DYNC2I1: variants seen among roughly 807,000 people sequenced by gnomAD.
DYNC2I1 encodes the protein cytoplasmic dynein 2 intermediate chain 1.
DYNC2I1 carries 89 observed loss-of-function variants against 133.4 expected under a neutral mutation model. The observed-to-expected ratio is 0.67, with a 90% confidence interval of 0.56 to 0.80. The LOEUF (loss-of-function observed/expected upper bound fraction) is 0.80. Ranked by LOEUF, DYNC2I1 falls within the 30% of genes least tolerant of loss-of-function variation. The probability of loss-of-function intolerance (pLI) is 0.00; values close to 1 mark genes in which losing one functional copy is unlikely to be tolerated. For missense variants in DYNC2I1, 1,291 were observed against 1,314.5 expected (o/e 0.98, Z 0.28); for synonymous variants, 504 against 484.3 (o/e 1.04, Z -0.54).
At chr7:158,918,418 C>A (rs1409963974) in intron 14 of DYNC2I1, among the ~76,000 whole-genome samples, 1 of 152,110 alleles carries the variant, frequency 6.6e-6, no homozygotes, top group African/African-American at 2.4e-5. Flanking sequence ...GGGTTCATGA[C>A]TGCTCTTTAC....
chr7:158,926,163 A>T, intron 17 of DYNC2I1, 24 bp from the exon 18 acceptor site: 5 of 1,572,248 alleles, frequency 3.2e-6, no homozygotes, highest in African/African-American at 1.3e-5. Context: ...TTACACGTGG[A>T]TGCTGTGGGC....
intron 13 of DYNC2I1, among the ~76,000 whole-genome samples, chr7:158,913,861 A>G (rs182085608): frequency 6.6e-6 from 1 of 152,236 alleles, no homozygotes; most frequent in African/African-American, 2.4e-5. Context: ...AGCGCCTGCT[A>G]TCATGCCTGG....
chr7:158,841,785 T>C, the DYNC2I1 span, among the ~76,000 whole-genome samples: 2 of 152,150 alleles, frequency 1.3e-5, no homozygotes, highest in African/African-American at 4.8e-5. Flanking sequence ...TTTGGGAAAC[T>C]CTAGGTTGCT....
chr7:158,919,503 G>A (rs978483583), intron 15 of DYNC2I1, among the ~76,000 whole-genome samples: 1 of 152,298 alleles, frequency 6.6e-6, no homozygotes, highest in Middle Eastern at 3.4e-3. Context: ...GTCGGGTACC[G>A]GAGGGCAGCC....
At chr7:158,930,558 A>T (rs1389208123) in intron 21 of DYNC2I1, 43 bp downstream of exon 21, 1 of 1,556,228 alleles carries the variant, frequency 6.4e-7, no homozygotes, top group Non-Finnish European at 8.8e-7. Context: ...ACAAAGACCT[A>T]GAAGGAAAAT....
chr7:158,854,617 T>G (rs1028880478), upstream of DYNC2I1, among the ~76,000 whole-genome samples: 1 of 152,084 alleles, frequency 6.6e-6, no homozygotes, highest in Non-Finnish European at 1.5e-5. Flanking sequence ...GTTCTGCACA[T>G]GTACCCCAGA....
chr7:158,860,401 T>C (rs1450193778), intron 1 of DYNC2I1, among the ~76,000 whole-genome samples: 2 of 152,210 alleles, frequency 1.3e-5, no homozygotes, highest in African/African-American at 2.4e-5. Flanking sequence ...TCTTTCAGTT[T>C]GTTTCATTGT....
chr7:158,848,651 G>A, the DYNC2I1 span, among the ~76,000 whole-genome samples: 9 of 152,016 alleles, frequency 5.9e-5, no homozygotes, highest in East Asian at 5.8e-4. Flanking sequence ...CAGGCCGGGC[G>A]CGGTGACTCA....
upstream of DYNC2I1, among the ~76,000 whole-genome samples, chr7:158,855,093 C>T (rs937086477): frequency 2.0e-5 from 3 of 152,198 alleles, no homozygotes; most frequent in Non-Finnish European, 2.9e-5. Context: ...CAGAGCCTAT[C>T]GAGATGGGGG....
At chr7:158,937,451 C>G (rs1461532719) in intron 23 of DYNC2I1, among the ~76,000 whole-genome samples, 1 of 151,178 alleles carries the variant, frequency 6.6e-6, no homozygotes, top group African/African-American at 2.4e-5. Flanking sequence ...ACGGTGAAAC[C>G]CCATCTGTAC....
chr7:158,932,563 C>CCAA lies in DYNC2I1; in HGVS notation c.2547-1565_2547-1564insAAC, dbSNP rs1554479932. ...AGTCAGGCCCTAACGAGTCTGTCTG[C>CCAA]CGTGCTAAAGGGTGTGGACATTAGC... On this transcript the variant is annotated intron_variant, in intron 21 of 24. Coordinates refer to ENST00000407559, the MANE Select transcript of DYNC2I1 (RefSeq NM_018051.5). 8.6e-5 allele frequency among the ~76,000 whole-genome samples: 13 copies of CCAA among 151,950 alleles called. 1 individual carries two copies. Among genetic ancestry groups the CCAA allele is most frequent in the Admixed American group, 6.5e-4 (10 of 15,292 alleles).
At chr7:158,886,487 TTTC>T (rs1349699589) in intron 6 of DYNC2I1, among the ~76,000 whole-genome samples, 2 of 152,222 alleles carry the variant, frequency 1.3e-5, no homozygotes, top group African/African-American at 4.8e-5. Flanking sequence ...AAACACATAA[TTTC>T]TTCTCTGGAA....
intron 23 of DYNC2I1, among the ~76,000 whole-genome samples, chr7:158,936,708 C>T (rs544126735): frequency 2.6e-5 from 4 of 152,214 alleles, no homozygotes; most frequent in Non-Finnish European, 2.9e-5. Context: ...GCTCATAGCA[C>T]CATGCTCCAG....
At chr7:158,855,983 C>T (rs1433859964), upstream of DYNC2I1, among the ~76,000 whole-genome samples, 2 of 149,186 alleles carry the variant, frequency 1.3e-5, no homozygotes, top group Non-Finnish European at 3.0e-5. Context: ...GCTCTGTCGC[C>T]CAGGTTGGAG....
At chr7:158,887,772 A>G (rs540075700) in intron 7 of DYNC2I1, among the ~76,000 whole-genome samples, 2 of 152,298 alleles carry the variant, frequency 1.3e-5, no homozygotes, top group Admixed American at 1.3e-4. Context: ...ACTTGTTACT[A>G]ACACACAATC....
rs2527202 is a variant in DYNC2I1, at chr7:158,946,158, T to C, written c.*379T>C. The C allele has an allele frequency of 0.86, 137,236 of 159,574 alleles. 59,205 individuals carry two copies. The highest frequency in any genetic ancestry group is 0.95 in the East Asian group (5,098 of 5,370). 9.9% of individuals were successfully genotyped at this position (159,574 alleles called of 1,614,324 possible). A position where few individuals can be genotyped will look rare whatever the true frequency, so the allele number is the denominator to read the frequency against. Reference sequence around the variant, plus strand: ...CTTATGCATAAAGTATGTGAACACATGTCTAAATTAAAAGGAATTACTCCA... The same window carrying C: ...CTTATGCATAAAGTATGTGAACACACGTCTAAATTAAAAGGAATTACTCCA... On this transcript the variant is annotated 3_prime_UTR_variant, in exon 25 of 25. Transcript: ENST00000407559.
chr7:158,902,678 C>A, intron 10 of DYNC2I1, 83 bp downstream of exon 10: 1 of 1,266,718 alleles, frequency 7.9e-7, no homozygotes, highest in Non-Finnish European at 1.1e-6. Flanking sequence ...CACACACAGG[C>A]CTACTCTAAT....
In DYNC2I1 at chr7:158,945,124, G is replaced by T. The variant is rs10276354; in HGVS notation, c.3003-457G>T. ...GTTGGGCACTGGGTGGATGATGGAG[G>T]TGCTGGTCCCATGGAGGCCAGGAGT... On this transcript the variant is annotated intron_variant, in intron 24 of 24. Transcript: ENST00000407559. The surrounding 1 kb of genome is among the most constrained non-coding windows in gnomAD (Gnocchi z 4.1). 7.8e-3 allele frequency among the ~76,000 whole-genome samples: 1,187 copies of T among 152,274 alleles called. 10 individuals carry two copies. Among genetic ancestry groups the T allele is most frequent in the African/African-American group, 0.022 (933 of 41,554 alleles).
the DYNC2I1 span, among the ~76,000 whole-genome samples, chr7:158,847,914 G>A: frequency 1.3e-5 from 2 of 152,202 alleles, no homozygotes; most frequent in Non-Finnish European, 2.9e-5. Flanking sequence ...TCCATTTTTA[G>A]ATTGGTGTCA....
Sources: allele counts gnomAD v4.1 joint callset (sites outside exome capture counted in the v4.1 genomes callset), GRCh38; gene constraint gnomAD v4.1.1; non-coding constraint Gnocchi (gnomAD v3.1); transcripts MANE v1.5; gene names NCBI Gene and HGNC (gene_info 2026-07-23, HGNC 2026-07-21).